Variants in TNRC6B observed in about 807,000 individuals in gnomAD.
TNRC6B encodes trinucleotide repeat-containing gene 6B protein.
A neutral mutation model predicts 203.6 loss-of-function variants in TNRC6B; 52 were observed. The ratio of observed to expected loss-of-function variants is 0.26; its 90% CI spans 0.20 to 0.32. The LOEUF is 0.32. Among genes scored for constraint, TNRC6B ranks in the 10% least tolerant of loss-of-function variants. TNRC6B has a pLI of 1.00. For missense variants in TNRC6B, 1,923 were observed against 2,286.2 expected (o/e 0.84, Z 3.24); for synonymous variants, 838 against 845.7 (o/e 0.99, Z 0.16).
chr22:40,216,541 CGCAGAGGTTGTAGTGA>C (rs1383401424), intron 1 of TNRC6B, among the ~76,000 whole-genome samples: 3 of 152,052 alleles, frequency 2.0e-5, no homozygotes, highest in Non-Finnish European at 4.4e-5. Context: ...GAACCCAGGA[CGCAGAGGTTGTAGTGA>C]GTCTAGATGG....
intron 1 of TNRC6B, among the ~76,000 whole-genome samples, chr22:40,218,740 A>G (rs978263952): frequency 6.6e-6 from 1 of 152,242 alleles, no homozygotes; most frequent in Non-Finnish European, 1.5e-5. Flanking sequence ...TGGGCGGCAC[A>G]AGATGACCAA....
chr22:40,160,972 A>G (rs1264652653), intron 4 of TNRC6B, among the ~76,000 whole-genome samples: 1 of 151,714 alleles, frequency 6.6e-6, no homozygotes, highest in Non-Finnish European at 1.5e-5. Flanking sequence ...ATTTATATAT[A>G]TTTTCCTTTT....
rs2071371050 is a variant in TNRC6B, at chr22:40,323,837, G to A, written c.*596G>A. 6.6e-6 allele frequency: 1 copy of A among 152,514 alleles called. No homozygotes were observed. The highest frequency in any genetic ancestry group is 2.4e-5 in the African/African-American group (1 of 41,314). The allele number at this position is 152,514 out of a possible 1,614,324, so 9.4% of individuals were successfully genotyped here. On this transcript the variant is annotated 3_prime_UTR_variant, in exon 23 of 23. Coordinates refer to ENST00000454349, the MANE Select transcript of TNRC6B (RefSeq NM_001162501.2). The stretch of plus-strand genomic sequence containing the variant: ...GTGATTGGCTGGTTGATAAATACCA[G>A]TGTGTTCTGGCACATGTAACTGCCC...
At chr22:40,308,262 C>T (rs563605260) in intron 15 of TNRC6B, among the ~76,000 whole-genome samples, 3 of 152,188 alleles carry the variant, frequency 2.0e-5, no homozygotes, top group Non-Finnish European at 4.4e-5. Context: ...TGAAAAAGGG[C>T]GTGCAGGAAT....
In TNRC6B at chr22:40,281,278, G is replaced by A. The variant is rs932386002; in HGVS notation, c.3571G>A (p.Ala1191Thr). The change falls in exon 11 of 23, where the codon GCT becomes ACT. Residue 1191 changes from alanine (A) to threonine (T), a missense_variant. Coordinates refer to ENST00000454349, the MANE Select transcript of TNRC6B (RefSeq NM_001162501.2). ...CACAGGGCTCAACCCCCAAAACTTC[G>A]CTGCTAGACAAGTAAGGAGGCCTCT... ...IGTGLNPQNF[A>T]ARQGGSHGLF... 4.5e-6 allele frequency: 7 copies of A among 1,544,292 alleles called. No homozygotes were observed. The highest frequency in any genetic ancestry group is 4.0e-5 in the Admixed American group (2 of 49,776).
At chr22:40,252,540 C>T (rs1009552603) in intron 3 of TNRC6B, among the ~76,000 whole-genome samples, 29 of 152,266 alleles carry the variant, frequency 1.9e-4, no homozygotes, top group African/African-American at 5.3e-4. Flanking sequence ...AATAAATTCT[C>T]GTATGACTAG....
chr22:40,252,304 C>T (rs1216209697), intron 3 of TNRC6B, among the ~76,000 whole-genome samples: 2 of 152,208 alleles, frequency 1.3e-5, no homozygotes, highest in East Asian at 3.8e-4. Flanking sequence ...CAGTACATGT[C>T]CCTAGTTGAG....
intron 3 of TNRC6B, among the ~76,000 whole-genome samples, chr22:40,258,356 G>C (rs2070317247): frequency 6.6e-6 from 1 of 152,038 alleles, no homozygotes; most frequent in African/African-American, 2.4e-5. Context: ...CACTGATTCT[G>C]ATGTCTTAAG....
chr22:40,122,926 G>A (rs1424348939), intron 2 of TNRC6B, among the ~76,000 whole-genome samples: 2 of 152,174 alleles, frequency 1.3e-5, no homozygotes, highest in East Asian at 1.9e-4. Context: ...TCACACATCC[G>A]TAAGCATTCG....
intron 12 of TNRC6B, among the ~76,000 whole-genome samples, chr22:40,287,200 A>G (rs1165743091): frequency 2.6e-5 from 4 of 151,752 alleles, no homozygotes; most frequent in Non-Finnish European, 5.9e-5. Flanking sequence ...GTAGAGGTGG[A>G]GTCATGCTAT....
rs750566165 is a variant in TNRC6B, at chr22:40,324,822, C to G, written c.*1581C>G. 4 of 151,572 alleles carry G rather than the reference C, an allele frequency of 2.6e-5. No homozygotes were observed. The highest frequency in any genetic ancestry group is 7.3e-5 in the African/African-American group (3 of 41,188). The allele number at this position is 151,572 out of a possible 1,614,324, so 9.4% of individuals were successfully genotyped here. On this transcript the variant is annotated 3_prime_UTR_variant, in exon 23 of 23. Coordinates refer to ENST00000454349, the MANE Select transcript of TNRC6B (RefSeq NM_001162501.2). ...TTTTTGATTTTTGACCTCTTCCCCC[C>G]ACCTTGTAATTTTGCTTTTTTAATT... is the stretch of plus-strand genomic sequence containing the variant.
chr22:40,139,326 T>A (rs1034307241), intron 3 of TNRC6B, among the ~76,000 whole-genome samples: 25 of 53,062 alleles, frequency 4.7e-4, no homozygotes, highest in Non-Finnish European at 8.0e-4. Flanking sequence ...GGTGTACGCA[T>A]TTTTTTTTTT....
intron 22 of TNRC6B, 24 bp downstream of exon 22, chr22:40,321,253 C>T (rs1350849132): frequency 1.1e-5 from 18 of 1,609,160 alleles, no homozygotes; most frequent in African/African-American, 5.3e-5. Context: ...CCTACACCCA[C>T]GTAGACAAAC....
intron 1 of TNRC6B, among the ~76,000 whole-genome samples, chr22:40,051,241 A>G (rs539746461): frequency 6.6e-6 from 1 of 152,274 alleles, no homozygotes; most frequent in South Asian, 2.1e-4. Flanking sequence ...GAGGACACCA[A>G]TCCTGTTCTG....
chr22:40,219,515 C>G (rs557262534), intron 1 of TNRC6B, among the ~76,000 whole-genome samples: 38 of 152,246 alleles, frequency 2.5e-4, no homozygotes, highest in African/African-American at 8.9e-4. Flanking sequence ...CCCTCCCTCC[C>G]GGTCTGTATG....
intron 1 of TNRC6B, among the ~76,000 whole-genome samples, chr22:40,213,870 C>T (rs748611086): frequency 6.6e-5 from 10 of 152,138 alleles, no homozygotes; most frequent in Non-Finnish European, 1.3e-4. Flanking sequence ...GGAAAAAGAA[C>T]TCGGGTTCAT....
In TNRC6B at chr22:40,327,635, G is replaced by A. The variant is rs1162233926; in HGVS notation, c.*4394G>A. The A allele has an allele frequency of 6.6e-6, 1 of 152,178 alleles. No homozygotes were observed. The highest frequency in any genetic ancestry group is 1.9e-4 in the East Asian group (1 of 5,192). The allele number at this position is 152,178 out of a possible 1,614,324, so 9.4% of individuals were successfully genotyped here. The stretch of plus-strand genomic sequence containing the variant: ...GTGACCTAAGAACAGGATATGGTGA[G>A]GATGTCATGGAAGAGAAGAGCTCTT... On this transcript the variant is annotated 3_prime_UTR_variant, in exon 23 of 23. Transcript: ENST00000454349.
intron 12 of TNRC6B, among the ~76,000 whole-genome samples, chr22:40,295,866 TTTTG>T (rs889164586): frequency 6.6e-6 from 1 of 152,148 alleles, no homozygotes; most frequent in African/African-American, 2.4e-5. Flanking sequence ...TTTTTGTTGC[TTTTG>T]TTTTTTATAT....
chr22:40,103,867 T>C (rs2146307083), intron 1 of TNRC6B, among the ~76,000 whole-genome samples: 1 of 151,640 alleles, frequency 6.6e-6, no homozygotes, highest in East Asian at 2.0e-4. Context: ...GGTCTCAAAC[T>C]CCTGACCTCA....
Sources: allele counts gnomAD v4.1 joint callset (sites outside exome capture counted in the v4.1 genomes callset), GRCh38; gene constraint gnomAD v4.1.1; transcripts MANE v1.5; gene names NCBI Gene and HGNC (gene_info 2026-07-23, HGNC 2026-07-21).